Variants in PABIR3 observed in about 807,000 individuals in gnomAD.
PABIR3 encodes PABIR family member 1.
PABIR3 carries 20 observed loss-of-function variants against 23.1 expected under a neutral mutation model. That is an observed-to-expected ratio of 0.86 (90% CI 0.61 to 1.26). The LOEUF is 1.26. PABIR3 is among the 50% of genes most tolerant of loss of function. PABIR3 has a pLI of 0.00. For missense variants in PABIR3, 189 were observed against 195.4 expected (o/e 0.97, Z 0.20); for synonymous variants, 69 against 68.5 (o/e 1.01, Z -0.04).
chrX:134,839,805 C>G (rs1166142776), intron 4 of PABIR3, among the ~76,000 whole-genome samples: 1 of 111,387 alleles, frequency 9.0e-6, no homozygotes, highest in Admixed American at 9.4e-5. Flanking sequence ...GCCCGGCCGC[C>G]CCTACTGGGA....
At chrX:134,813,877 T>C (rs951963799) in intron 2 of PABIR3, among the ~76,000 whole-genome samples, 1 of 111,201 alleles carries the variant, frequency 9.0e-6, no homozygotes, top group Non-Finnish European at 1.9e-5. Context: ...GGGCATCAGC[T>C]GCACAACTTC....
the PABIR3 span, among the ~76,000 whole-genome samples, chrX:134,860,933 G>A: frequency 9.0e-6 from 1 of 111,525 alleles, no homozygotes; most frequent in African/African-American, 3.3e-5. Flanking sequence ...CTAGAGGGAG[G>A]GAGGAATGGG....
chrX:134,832,139 G>C (rs962493022), intron 4 of PABIR3, among the ~76,000 whole-genome samples: 1 of 109,518 alleles, frequency 9.1e-6, no homozygotes, highest in Non-Finnish European at 1.9e-5. Context: ...TTAGCCGTGC[G>C]TGGTGGGTGC....
intron 4 of PABIR3, among the ~76,000 whole-genome samples, chrX:134,836,557 A>T (rs886617599): frequency 8.9e-6 from 1 of 111,991 alleles, no homozygotes; most frequent in Admixed American, 9.5e-5. Context: ...TGGCTTGTTG[A>T]TGGCTATCTT....
Position 134,810,156 on chromosome X carries a change from G to A in PABIR3, c.110+2448G>A, listed in dbSNP as rs138407102. On this transcript the variant is annotated intron_variant, in intron 2 of 10. Coordinates refer to ENST00000645433, the MANE Select transcript of PABIR3 (RefSeq NM_001388447.1). ...AGACGATGGAAGATGTGTACTGGAAGGAACCTGTGGATCCTCTTTAATGTA... is the reference window on the plus strand; with the variant it reads ...AGACGATGGAAGATGTGTACTGGAAAGAACCTGTGGATCCTCTTTAATGTA... 4,560 of 752,451 alleles carry A rather than the reference G, an allele frequency of 6.1e-3. 11 individuals carry two copies. The highest frequency in any genetic ancestry group is 0.019 in the Middle Eastern group (25 of 1,320). The allele number at this position is 752,451 out of a possible 1,213,427, so 62.0% of individuals were successfully genotyped here.
chrX:134,825,661 GA>G (rs2081470780), intron 3 of PABIR3, among the ~76,000 whole-genome samples: 1 of 109,596 alleles, frequency 9.1e-6, no homozygotes, highest in African/African-American at 3.3e-5. Flanking sequence ...ACAACTGTCA[GA>G]TTTTTTTTAT....
chrX:134,829,171 A>G, intron 3 of PABIR3, 55 bp from the exon 4 acceptor site: 1 of 970,826 alleles, frequency 1.0e-6, no homozygotes, highest in East Asian at 3.1e-5. Context: ...TAATGTTGAG[A>G]TGTAATTAAT....
At chrX:134,801,062 C>A (rs1343470304) in intron 1 of PABIR3, among the ~76,000 whole-genome samples, 1 of 112,557 alleles carries the variant, frequency 8.9e-6, no homozygotes, top group Non-Finnish European at 1.9e-5. Context: ...AAAGCCTTAG[C>A]AACTGACCTA....
chrX:134,852,824 C>T lies in PABIR3; in HGVS notation c.614C>T (p.Pro205Leu). 1 of 1,135,778 alleles carries T rather than the reference C, an allele frequency of 8.8e-7. No homozygotes were observed. Among genetic ancestry groups the T allele is most frequent in the Non-Finnish European group, 1.2e-6 (1 of 863,072 alleles). 93.6% of individuals were successfully genotyped at this position (1,135,778 alleles called of 1,213,427 possible). Residue 205 changes from proline to leucine, a missense_variant, in exon 10 of 11, where the codon CCA (proline) becomes CTA (leucine). By Grantham distance (98) the Pro-to-Leu change is moderately conservative. Coordinates refer to ENST00000645433, the MANE Select transcript of PABIR3 (RefSeq NM_001388447.1). ...GGTGAAATGGCATTTCAATATCAAC[C>T]AAAAAAGATTTTCCAAGGCACAACC... ...RKGEMAFQYQ[P>L]KKIFQGTTNM...
chrX:134,804,667 G>C (rs1034669141), upstream of PABIR3, among the ~76,000 whole-genome samples: 1 of 112,340 alleles, frequency 8.9e-6, no homozygotes, highest in Non-Finnish European at 1.9e-5. Context: ...CAAAATATAC[G>C]TATGAAACCT....
chrX:134,813,985 T>C (rs1414013758), intron 2 of PABIR3, among the ~76,000 whole-genome samples: 2 of 109,662 alleles, frequency 1.8e-5, no homozygotes, highest in African/African-American at 6.6e-5. Context: ...TTTTTTTTTT[T>C]TAATGTGAAA....
At chrX:134,855,480 G>A (rs567648462), downstream of PABIR3, among the ~76,000 whole-genome samples, 101 of 111,644 alleles carry the variant, frequency 9.0e-4, 2 homozygotes, top group South Asian at 0.018. Context: ...GTAATTGGGG[G>A]TAGTATTAGC....
At chrX:134,801,510 C>A (rs1001254129) in intron 1 of PABIR3, among the ~76,000 whole-genome samples, 1 of 112,436 alleles carries the variant, frequency 8.9e-6, no homozygotes, top group Non-Finnish European at 1.9e-5. Flanking sequence ...TCCCAGGGAC[C>A]CTTTGGCCCT....
chrX:134,840,120 C>A (rs984353495), intron 4 of PABIR3, among the ~76,000 whole-genome samples: 2 of 111,520 alleles, frequency 1.8e-5, no homozygotes, highest in Non-Finnish European at 3.8e-5. Context: ...GGATTAAGGG[C>A]GGTGCAAGAT....
At chrX:134,859,095 CTTGT>C (rs1289111654), downstream of PABIR3, among the ~76,000 whole-genome samples, 1 of 111,297 alleles carries the variant, frequency 9.0e-6, no homozygotes, top group African/African-American at 3.3e-5. Context: ...GGAGATCTGA[CTTGT>C]AGCTCCAGTT....
chrX:134,855,433 C>CAA (rs929087761), downstream of PABIR3, among the ~76,000 whole-genome samples: 1 of 95,613 alleles, frequency 1.0e-5, no homozygotes, highest in African/African-American at 3.8e-5. Flanking sequence ...GACTCTGTCT[C>CAA]AAAAAAAAAA....
At chrX:134,822,553 G>T (rs1456343999) in intron 3 of PABIR3, 9 of 751,900 alleles carry the variant, frequency 1.2e-5, no homozygotes, top group Non-Finnish European at 1.1e-5. Flanking sequence ...TTTCCTGGAT[G>T]AAGTTTTTCA....
At chrX:134,816,060 TC>T (rs912271988) in intron 3 of PABIR3, among the ~76,000 whole-genome samples, 3 of 112,410 alleles carry the variant, frequency 2.7e-5, no homozygotes, top group Non-Finnish European at 3.8e-5. Context: ...ATCATGTGTT[TC>T]CCCACCTTGT....
chrX:134,812,246 C>T (rs773110583), intron 2 of PABIR3, among the ~76,000 whole-genome samples: 3 of 111,980 alleles, frequency 2.7e-5, no homozygotes, highest in Non-Finnish European at 5.6e-5. Context: ...TATAGTCTTA[C>T]TAAAATTGGC....
Sources: allele counts gnomAD v4.1 joint callset (sites outside exome capture counted in the v4.1 genomes callset), GRCh38; gene constraint gnomAD v4.1.1; transcripts MANE v1.5; gene names NCBI Gene and HGNC (gene_info 2026-07-23, HGNC 2026-07-21).